MLIP: variants seen among roughly 807,000 people sequenced by gnomAD.
MLIP encodes muscular LMNA interacting protein.
A neutral mutation model predicts 84.8 loss-of-function variants in MLIP; 79 were observed. That is an observed-to-expected ratio of 0.93 (90% CI 0.78 to 1.12). The LOEUF is 1.12. MLIP is among the 50% of genes most tolerant of loss of function. The probability of loss-of-function intolerance (pLI) is 0.00; values close to 1 mark genes in which losing one functional copy is unlikely to be tolerated. For synonymous variants in MLIP, 504 were observed against 463.0 expected, an observed-to-expected ratio of 1.09 and a Z score of -1.14; for missense variants, 1,257 against 1,160.6, an observed-to-expected ratio of 1.08 and a Z score of -1.21.
intron 1 of MLIP, among the ~76,000 whole-genome samples, chr6:54,078,270 G>A (rs901906153): frequency 1.7e-4 from 26 of 152,112 alleles, no homozygotes; most frequent in African/African-American, 6.3e-4. Context: ...TCTAGCACTC[G>A]TTAAGAGTTT....
intron 1 of MLIP, among the ~76,000 whole-genome samples, chr6:54,098,293 T>A (rs1403765812): frequency 6.6e-6 from 1 of 150,416 alleles, no homozygotes; most frequent in African/African-American, 2.4e-5. Flanking sequence ...TAGCTAGGAC[T>A]ACATGTGCAT....
rs572140987 is a variant in MLIP, at chr6:54,104,882, C to T, written c.64-16565C>T. ...GTGGCCAAATAAATACGGGAAACCACGGGCTAAACACAGCTTAAAAGGCCT... is the reference window on the plus strand; with the variant it reads ...GTGGCCAAATAAATACGGGAAACCATGGGCTAAACACAGCTTAAAAGGCCT... On this transcript the variant is annotated intron_variant, in intron 1 of 12. Coordinates refer to the MLIP transcript ENST00000274897. 5.9e-5 allele frequency among the ~76,000 whole-genome samples: 9 copies of T among 152,156 alleles called. No homozygotes were observed. The South Asian group carries it at 6.2e-4, about 11-fold the overall frequency.
intron 3 of MLIP, among the ~76,000 whole-genome samples, chr6:54,127,683 C>T (rs1229769114): frequency 6.6e-6 from 1 of 152,006 alleles, no homozygotes; most frequent in Admixed American, 6.6e-5. Flanking sequence ...CAGTGGTTAG[C>T]ATATTATCAG....
chr6:54,135,347 C>T (rs1030753969), intron 3 of MLIP, among the ~76,000 whole-genome samples: 2 of 151,922 alleles, frequency 1.3e-5, no homozygotes, highest in Non-Finnish European at 2.9e-5. Context: ...AGAATTCTTC[C>T]GTGTTGCAAA....
intron 1 of MLIP, among the ~76,000 whole-genome samples, chr6:54,028,287 C>A (rs533655867): frequency 6.6e-6 from 1 of 152,106 alleles, no homozygotes; most frequent in Non-Finnish European, 1.5e-5. Flanking sequence ...CCCTCCACCC[C>A]CAGCTTGGTC....
At chr6:54,182,598 C>T (rs1028593583) in intron 9 of MLIP, among the ~76,000 whole-genome samples, 2 of 152,144 alleles carry the variant, frequency 1.3e-5, no homozygotes, top group African/African-American at 4.8e-5. Flanking sequence ...CATCTTGCTC[C>T]ACCCCTCAGG....
At chr6:54,135,544 T>A (rs1771722986) in intron 3 of MLIP, among the ~76,000 whole-genome samples, 1 of 152,086 alleles carries the variant, frequency 6.6e-6, no homozygotes, top group East Asian at 1.9e-4. Context: ...TCAAGAAATA[T>A]CTTTTACTTT....
intron 10 of MLIP, among the ~76,000 whole-genome samples, chr6:54,201,868 G>A (rs1778704718): frequency 6.6e-6 from 1 of 152,162 alleles, no homozygotes; most frequent in Non-Finnish European, 1.5e-5. Flanking sequence ...CATTTTGAAT[G>A]TTACAATAGT....
chr6:54,083,010 G>A (rs1434859366), intron 1 of MLIP, among the ~76,000 whole-genome samples: 1 of 152,040 alleles, frequency 6.6e-6, no homozygotes, highest in Non-Finnish European at 1.5e-5. Flanking sequence ...GATTATAAGT[G>A]AGAACAGAAA....
chr6:54,063,164 T>C (rs987632837), intron 1 of MLIP: 29 of 151,560 alleles, frequency 1.9e-4, no homozygotes, highest in African/African-American at 6.8e-4. Flanking sequence ...GTGGTGTCAT[T>C]GCTTTCCAGC....
intron 9 of MLIP, among the ~76,000 whole-genome samples, chr6:54,183,167 G>A (rs114164922): frequency 0.015 from 2,225 of 152,230 alleles, 34 homozygotes; most frequent in Non-Finnish European, 0.023. Flanking sequence ...GCTTGGAAAC[G>A]TTGCTATGCT....
intron 4 of MLIP, among the ~76,000 whole-genome samples, chr6:54,147,964 A>C (rs746555839): frequency 6.6e-6 from 1 of 152,132 alleles, no homozygotes; most frequent in Non-Finnish European, 1.5e-5. Flanking sequence ...TGGGTCTGGC[A>C]CTTTGATTCC....
intron 12 of MLIP, among the ~76,000 whole-genome samples, chr6:54,231,664 T>TA (rs1336210524): frequency 6.6e-6 from 1 of 152,130 alleles, no homozygotes; most frequent in African/African-American, 2.4e-5. Context: ...ACCCTGAAAA[T>TA]TTCCTAAAAT....
intron 12 of MLIP, among the ~76,000 whole-genome samples, chr6:54,254,272 G>T (rs965464274): frequency 6.6e-6 from 1 of 151,284 alleles, no homozygotes; most frequent in African/African-American, 2.4e-5. Context: ...GACTGCAGAC[G>T]CACACCACCA....
chr6:54,038,434 A>G (rs11754898), intron 1 of MLIP, among the ~76,000 whole-genome samples: 26,387 of 151,788 alleles, frequency 0.17, 2,800 homozygotes, highest in South Asian at 0.27. Context: ...TAATTTCTTT[A>G]ATAGAATAAT....
chr6:54,262,438 G>A (rs971888934), intron 13 of MLIP, among the ~76,000 whole-genome samples: 5 of 151,982 alleles, frequency 3.3e-5, no homozygotes, highest in East Asian at 1.9e-4. Context: ...AAAAATGACA[G>A]CATCGTTAAT....
intron 1 of MLIP, among the ~76,000 whole-genome samples, chr6:54,104,266 A>G (rs1350913476): frequency 6.6e-6 from 1 of 152,152 alleles, no homozygotes; most frequent in Non-Finnish European, 1.5e-5. Flanking sequence ...TTGTTCCTTT[A>G]TGGAATATAC....
chr6:54,161,813 G>A (rs539242890), intron 8 of MLIP, among the ~76,000 whole-genome samples: 1 of 151,808 alleles, frequency 6.6e-6, no homozygotes, highest in Non-Finnish European at 1.5e-5. Context: ...TGTAATTTCT[G>A]TATTTGAAGT....
intron 11 of MLIP, chr6:54,216,438 T>C (rs1395982913): frequency 1.2e-5 from 12 of 985,116 alleles, no homozygotes; most frequent in Non-Finnish European, 1.4e-5. Flanking sequence ...CTCACTGTGA[T>C]TGATTATGGA....
Sources: gnomAD v4.1 joint callset for allele counts (sites outside exome capture counted in the v4.1 genomes callset) on GRCh38, gnomAD v4.1.1 for gene constraint, MANE v1.5 for transcripts, NCBI Gene and HGNC (gene_info 2026-07-23, HGNC 2026-07-21) for gene names.